The following PPFIA2 variants were observed in gnomAD, a reference collection of about 807,000 sequenced individuals.
PPFIA2 encodes the protein PPFI scaffold protein A2, also known as liprin-alpha-2.
PPFIA2 carries 46 observed loss-of-function variants against 175.5 expected under a neutral mutation model. That is an observed-to-expected ratio of 0.26 (90% CI 0.21 to 0.34). PPFIA2 has a LOEUF of 0.34. Among genes scored for constraint, PPFIA2 ranks in the 10% least tolerant of loss-of-function variants. PPFIA2 has a pLI of 1.00. For missense variants in PPFIA2, 1,179 were observed against 1,506.1 expected (o/e 0.78, Z 3.60); for synonymous variants, 568 against 511.4 (o/e 1.11, Z -1.49).
At chr12:81,335,498 T>A (rs1316389305) in intron 21 of PPFIA2, among the ~76,000 whole-genome samples, 1 of 152,118 alleles carries the variant, frequency 6.6e-6, no homozygotes, top group Non-Finnish European at 1.5e-5. Flanking sequence ...ATCCCAGCAC[T>A]TTGGGATGCC....
At chr12:81,589,563 A>C (rs953088414) in intron 4 of PPFIA2, among the ~76,000 whole-genome samples, 1 of 152,128 alleles carries the variant, frequency 6.6e-6, no homozygotes, top group Non-Finnish European at 1.5e-5. Flanking sequence ...ATTTCTGTAA[A>C]TGTCTGCCCT....
chr12:81,368,972 G>T (rs980894521), intron 12 of PPFIA2, 116 bp from the exon 13 acceptor site: 1 of 1,335,380 alleles, frequency 7.5e-7, no homozygotes, highest in Non-Finnish European at 1.0e-6. Flanking sequence ...TAAAGTGGTG[G>T]AAACATTTTA....
chr12:81,515,206 C>T (rs981302365), intron 4 of PPFIA2, among the ~76,000 whole-genome samples: 2 of 151,880 alleles, frequency 1.3e-5, no homozygotes, highest in African/African-American at 4.8e-5. Context: ...GCTGAAGTAA[C>T]TAATGCTAAT....
intron 4 of PPFIA2, among the ~76,000 whole-genome samples, chr12:81,606,477 A>G (rs1362117940): frequency 6.6e-6 from 1 of 152,070 alleles, no homozygotes. Flanking sequence ...CATCACCAGC[A>G]TCTATTGTTT....
At chr12:81,414,428 A>G (rs531970996) in intron 7 of PPFIA2, among the ~76,000 whole-genome samples, 1 of 151,856 alleles carries the variant, frequency 6.6e-6, no homozygotes, top group East Asian at 1.9e-4. Flanking sequence ...CGTATACAGC[A>G]TAAGCACTTA....
intron 4 of PPFIA2, among the ~76,000 whole-genome samples, chr12:81,630,404 G>A (rs568016296): frequency 6.6e-6 from 1 of 152,234 alleles, no homozygotes; most frequent in Non-Finnish European, 1.5e-5. Flanking sequence ...TACAAGAAAG[G>A]CTGGAAAAAG....
chr12:81,602,485 A>G (rs1023507304), intron 4 of PPFIA2, among the ~76,000 whole-genome samples: 4 of 149,076 alleles, frequency 2.7e-5, no homozygotes, highest in African/African-American at 1.0e-4. Context: ...ATATTACTCA[A>G]ATTTTCTGAT....
chr12:81,628,692 T>C (rs914757745), intron 4 of PPFIA2, among the ~76,000 whole-genome samples: 2 of 152,214 alleles, frequency 1.3e-5, no homozygotes, highest in African/African-American at 4.8e-5. Flanking sequence ...ACATCTACTT[T>C]CTATGTGTCC....
intron 3 of PPFIA2, among the ~76,000 whole-genome samples, chr12:81,695,837 C>T (rs2075834765): frequency 6.6e-6 from 1 of 152,154 alleles, no homozygotes. Context: ...TATTTCCCAA[C>T]TCTGGTTTCC....
At chr12:81,707,793 C>A (rs1232340336) in intron 3 of PPFIA2, among the ~76,000 whole-genome samples, 5 of 151,144 alleles carry the variant, frequency 3.3e-5, no homozygotes, top group Non-Finnish European at 1.5e-5. Flanking sequence ...CAATGATAGA[C>A]TGGATTAAGA....
rs1484453867 is a variant in PPFIA2 at position 81,449,993 on chromosome 12, T to C, written c.406-4273A>G. 2.6e-5 allele frequency among the ~76,000 whole-genome samples: 4 copies of C among 152,148 alleles called. No homozygotes were observed. In the East Asian group the frequency reaches 7.7e-4, roughly 29 times the overall value. On this transcript the variant is annotated intron_variant, in intron 5 of 32. Coordinates refer to ENST00000549396, the MANE Select transcript of PPFIA2 (RefSeq NM_003625.5). ...CTCATCCTTTTTTATGGCTGCATAGTATTCCATGGTTTATATGTGCCACAT... is the reference window on the plus strand; with the variant it reads ...CTCATCCTTTTTTATGGCTGCATAGCATTCCATGGTTTATATGTGCCACAT...
intron 3 of PPFIA2, among the ~76,000 whole-genome samples, chr12:81,689,831 G>A (rs1361180896): frequency 6.6e-6 from 1 of 151,902 alleles, no homozygotes; most frequent in Non-Finnish European, 1.5e-5. Flanking sequence ...GCATTCAAAT[G>A]AGCCACACCA....
At position 81,341,067 on chromosome 12, in the gene PPFIA2, CAG is replaced by C. The variant is rs759599156; in HGVS notation, c.2393+9_2393+10del. 9 of 1,605,642 alleles carry C rather than the reference CAG, an allele frequency of 5.6e-6. No individual in the cohort carries two copies. Among genetic ancestry groups the C allele is most frequent in the Non-Finnish European group, 6.8e-6 (8 of 1,173,814 alleles). Reference sequence around the variant, plus strand: ...GGGCATTCAGTGTGCAGTGTGCCTGCAGAGTCTTACCTTCGAGCATCATTGTG... The same window carrying C: ...GGGCATTCAGTGTGCAGTGTGCCTGCAGTCTTACCTTCGAGCATCATTGTG... On this transcript the variant is annotated intron_variant, in intron 20 of 32. Transcript: ENST00000549396.
chr12:81,549,872 C>T (rs1254047638), intron 4 of PPFIA2, among the ~76,000 whole-genome samples: 1 of 151,836 alleles, frequency 6.6e-6, no homozygotes, highest in Non-Finnish European at 1.5e-5. Context: ...TCCCAATTAA[C>T]ATATTATATG....
chr12:81,647,130 G>A (rs966357975), intron 4 of PPFIA2, among the ~76,000 whole-genome samples: 20 of 151,606 alleles, frequency 1.3e-4, no homozygotes, highest in African/African-American at 4.1e-4. Flanking sequence ...ATAAATAAAA[G>A]AATCAAATAC....
intron 3 of PPFIA2, among the ~76,000 whole-genome samples, chr12:81,730,911 A>AC (rs1263400952): frequency 2.0e-5 from 3 of 151,348 alleles, no homozygotes; most frequent in South Asian, 2.1e-4. Context: ...CAAAAAAAAA[A>AC]CCTAGAAATT....
chr12:81,743,593 C>T (rs2082647150), intron 3 of PPFIA2, among the ~76,000 whole-genome samples: 1 of 150,762 alleles, frequency 6.6e-6, no homozygotes, highest in South Asian at 2.1e-4. Context: ...TGGACCAATT[C>T]ATAATGTAGG....
At chr12:81,620,318 A>G (rs2061914018) in intron 4 of PPFIA2, among the ~76,000 whole-genome samples, 2 of 152,216 alleles carry the variant, frequency 1.3e-5, no homozygotes, top group Non-Finnish European at 2.9e-5. Context: ...ATCATAATTT[A>G]CAGTTTTAAG....
intron 21 of PPFIA2, among the ~76,000 whole-genome samples, chr12:81,327,343 A>AT (rs1447538547): frequency 6.6e-6 from 1 of 152,002 alleles, no homozygotes; most frequent in African/African-American, 2.4e-5. Context: ...CTTGGTATGG[A>AT]TTAGGAAAGC....
Sources: gnomAD v4.1 joint callset for allele counts (sites outside exome capture counted in the v4.1 genomes callset) on GRCh38, gnomAD v4.1.1 for gene constraint, MANE v1.5 for transcripts, NCBI Gene and HGNC (gene_info 2026-07-23, HGNC 2026-07-21) for gene names.